PLPPR5: variants seen among roughly 807,000 people sequenced by gnomAD.
PLPPR5 encodes phospholipid phosphatase-related protein type 5.
In PLPPR5, 16 loss-of-function variants were observed where a neutral mutation model predicts 33.9. That is an observed-to-expected ratio of 0.47 (90% CI 0.32 to 0.72). PLPPR5 has a LOEUF of 0.72. PLPPR5 is among the 30% of genes least tolerant of loss of function. The probability of loss-of-function intolerance (pLI) is 0.03; values close to 1 mark genes in which losing one functional copy is unlikely to be tolerated. For synonymous variants in PLPPR5, 163 were observed against 150.3 expected, an observed-to-expected ratio of 1.08 and a Z score of -0.62; for missense variants, 301 against 406.7, an observed-to-expected ratio of 0.74 and a Z score of 2.23.
intron 5 of PLPPR5, among the ~76,000 whole-genome samples, chr1:98,908,994 A>T (rs1315122280): frequency 2.6e-5 from 4 of 152,108 alleles, no homozygotes; most frequent in Admixed American, 6.6e-5. Flanking sequence ...AAAAATTTTT[A>T]AAAGATAATG....
Position 98,890,599 on chromosome 1 carries a change from T to TA in PLPPR5, c.*2472dup, listed in dbSNP as rs1343128040. 6.6e-6 allele frequency: 1 copy of TA among 152,602 alleles called. No individual in the cohort carries two copies. The highest frequency in any genetic ancestry group is 1.5e-5 in the Non-Finnish European group (1 of 68,020). The allele number at this position is 152,602 out of a possible 1,614,324, so 9.5% of individuals were successfully genotyped here. A position where few individuals can be genotyped will look rare whatever the true frequency, so the allele number is the denominator to read the frequency against. ...AAGTAGAATAAAAAGGAGATGTTTT[T>TA]ATCAGAAAGATATGTGTTTGCCTGC... is the stretch of plus-strand genomic sequence containing the variant. On this transcript the variant is annotated 3_prime_UTR_variant, in exon 6 of 6. Coordinates refer to ENST00000263177, the MANE Select transcript of PLPPR5 (RefSeq NM_001037317.2).
intron 5 of PLPPR5, among the ~76,000 whole-genome samples, chr1:98,905,559 T>C (rs991395034): frequency 2.0e-5 from 3 of 152,182 alleles, no homozygotes; most frequent in Non-Finnish European, 4.4e-5. Context: ...TCTTGTACTT[T>C]AACATTTTTG....
Position 98,914,779 on chromosome 1 carries a change from G to A in PLPPR5, c.933+7C>T, listed in dbSNP as rs535457594. The A allele has an allele frequency of 8.8e-6, 14 of 1,598,104 alleles. No homozygotes were observed. Among genetic ancestry groups the A allele is most frequent in the African/African-American group, 6.7e-5 (5 of 74,148 alleles). On this transcript the variant is annotated splice_region_variant and intron_variant, in intron 5 of 5. Transcript: ENST00000263177. Reference sequence around the variant, plus strand: ...TATTATAATTTAGAATTTAAATTGTGAGTCACCTGTACAGATGTTACCTTT... The same window carrying A: ...TATTATAATTTAGAATTTAAATTGTAAGTCACCTGTACAGATGTTACCTTT...
chr1:98,905,452 G>A (rs976139083), intron 5 of PLPPR5, among the ~76,000 whole-genome samples: 6 of 151,964 alleles, frequency 3.9e-5, no homozygotes, highest in African/African-American at 1.5e-4. Context: ...ACTACTCTTG[G>A]TAACTTATTT....
chr1:98,981,165 G>T (rs79996457), intron 1 of PLPPR5, among the ~76,000 whole-genome samples: 1 of 151,918 alleles, frequency 6.6e-6, no homozygotes, highest in Non-Finnish European at 1.5e-5. Context: ...TTACTTGTGC[G>T]AGAGAGGTAG....
At chr1:98,999,430 G>A (rs138803115) in intron 1 of PLPPR5, among the ~76,000 whole-genome samples, 1 of 152,178 alleles carries the variant, frequency 6.6e-6, no homozygotes, top group Non-Finnish European at 1.5e-5. Flanking sequence ...ACCCAAGAAG[G>A]CTCCAGAGTC....
Position 98,891,031 on chromosome 1 carries a change from T to C in PLPPR5, c.*2041A>G, listed in dbSNP as rs2101125848. The C allele has an allele frequency of 6.6e-6, 1 of 152,246 alleles. No homozygotes were observed. The highest frequency in any genetic ancestry group is 6.5e-5 in the Admixed American group (1 of 15,270). The allele number at this position is 152,246 out of a possible 1,614,324, so 9.4% of individuals were successfully genotyped here. A position where few individuals can be genotyped will look rare whatever the true frequency, so the allele number is the denominator to read the frequency against. ...TAGAACTGATAGAAGTCTGGAAGCC[T>C]TACTAGTAATCTAGCTTTCTAAGAC... On this transcript the variant is annotated 3_prime_UTR_variant, in exon 6 of 6. Coordinates refer to ENST00000263177, the MANE Select transcript of PLPPR5 (RefSeq NM_001037317.2).
At chr1:98,961,495 T>C (rs1229682233) in intron 1 of PLPPR5, among the ~76,000 whole-genome samples, 1 of 152,228 alleles carries the variant, frequency 6.6e-6, no homozygotes, top group African/African-American at 2.4e-5. Context: ...GAAAAAATTA[T>C]TGGCAACAAG....
rs1455385883 is a variant in PLPPR5, at chr1:98,960,668, C to T, written c.238-3927G>A. Among the ~76,000 whole-genome samples, 7 of 152,264 alleles carry T rather than the reference C, an allele frequency of 4.6e-5. 1 individual carries two copies. The highest frequency in any genetic ancestry group is 8.8e-5 in the Non-Finnish European group (6 of 68,028). ...ACAAGCAAATTGATTAATAATGCTA[C>T]AAGGTTGCATAGGCTGAGCTTTATT... On this transcript the variant is annotated intron_variant, in intron 1 of 5. Coordinates refer to ENST00000263177, the MANE Select transcript of PLPPR5 (RefSeq NM_001037317.2).
In PLPPR5 at chr1:98,981,291, T is replaced by C. The variant is rs1652055797; in HGVS notation, c.237+23144A>G. The stretch of plus-strand genomic sequence containing the variant: ...TCTTGACTTCAACCTCTCAGTATCA[T>C]TGTAATACATTTTTGACTCAACAGC... On this transcript the variant is annotated intron_variant, in intron 1 of 5. Coordinates refer to ENST00000263177, the MANE Select transcript of PLPPR5 (RefSeq NM_001037317.2). Among the ~76,000 whole-genome samples the C allele has an allele frequency of 2.0e-5, 3 of 152,208 alleles. 1 individual carries two copies. In the South Asian group the frequency reaches 6.2e-4, roughly 32 times the overall value.
At chr1:98,974,263 G>C (rs1405782100) in intron 1 of PLPPR5, among the ~76,000 whole-genome samples, 1 of 152,058 alleles carries the variant, frequency 6.6e-6, no homozygotes, top group Non-Finnish European at 1.5e-5. Context: ...GCCACATTCA[G>C]TGTCACAAAG....
intron 1 of PLPPR5, among the ~76,000 whole-genome samples, chr1:98,966,251 G>C (rs1557686600): frequency 6.6e-6 from 1 of 152,094 alleles, no homozygotes; most frequent in Non-Finnish European, 1.5e-5. Flanking sequence ...ATAATAATTT[G>C]TTAGTAAAGT....
At chr1:98,999,251 C>G (rs1037542837) in intron 1 of PLPPR5, among the ~76,000 whole-genome samples, 2 of 152,206 alleles carry the variant, frequency 1.3e-5, no homozygotes, top group Non-Finnish European at 2.9e-5. Flanking sequence ...AACACGTATA[C>G]AGCTGGGCAC....
intron 1 of PLPPR5, among the ~76,000 whole-genome samples, chr1:98,993,457 T>C (rs1162404732): frequency 6.6e-6 from 1 of 152,048 alleles, no homozygotes. Context: ...GAAATAAAGA[T>C]CTCTTTGTGA....
chr1:98,942,125 G>A (rs1436372884), intron 3 of PLPPR5, among the ~76,000 whole-genome samples: 1 of 148,002 alleles, frequency 6.8e-6, no homozygotes, highest in African/African-American at 2.4e-5. Flanking sequence ...AGGCTGGAGT[G>A]CAGTGGCGCA....
chr1:98,936,790 T>C (rs1650181982), intron 3 of PLPPR5, among the ~76,000 whole-genome samples: 1 of 152,224 alleles, frequency 6.6e-6, no homozygotes, highest in African/African-American at 2.4e-5. Context: ...AAGTCTTGGG[T>C]ATTTTTCCTG....
At chr1:98,957,054 GA>G (rs1310189390) in intron 1 of PLPPR5, among the ~76,000 whole-genome samples, 1 of 151,718 alleles carries the variant, frequency 6.6e-6, no homozygotes, top group African/African-American at 2.4e-5. Flanking sequence ...GATGAAATTG[GA>G]AATCATCATT....
At chr1:98,918,222 TCA>T (rs1649428002) in intron 4 of PLPPR5, among the ~76,000 whole-genome samples, 1 of 152,320 alleles carries the variant, frequency 6.6e-6, no homozygotes, top group Admixed American at 6.5e-5. Context: ...CCTGGATCTC[TCA>T]GTTACTAACT....
intron 1 of PLPPR5, among the ~76,000 whole-genome samples, chr1:98,980,636 G>A (rs1652029469): frequency 6.6e-6 from 1 of 151,986 alleles, no homozygotes. Flanking sequence ...AAGAACTGCA[G>A]TATCATATCC....
Sources: gnomAD v4.1 joint callset for allele counts (sites outside exome capture counted in the v4.1 genomes callset) on GRCh38, gnomAD v4.1.1 for gene constraint, MANE v1.5 for transcripts, NCBI Gene and HGNC (gene_info 2026-07-23, HGNC 2026-07-21) for gene names.